Variants in SLC25A21 observed in about 807,000 individuals in gnomAD.
SLC25A21 encodes solute carrier family 25 member 21.
A neutral mutation model predicts 43.8 loss-of-function variants in SLC25A21; 47 were observed. That is an observed-to-expected ratio of 1.07 (90% CI 0.85 to 1.37). The LOEUF (loss-of-function observed/expected upper bound fraction) is 1.37, where lower values mean the gene tolerates loss of function less well. Among genes scored for constraint, SLC25A21 ranks in the 40% most tolerant of loss-of-function variants. SLC25A21 has a pLI of 0.00. For missense variants in SLC25A21, 352 were observed against 350.2 expected, an observed-to-expected ratio of 1.00 and a Z score of -0.04; for synonymous variants, 131 against 121.3, an observed-to-expected ratio of 1.08 and a Z score of -0.52.
intron 2 of SLC25A21, among the ~76,000 whole-genome samples, chr14:36,851,946 C>G (rs1402265937): frequency 1.3e-5 from 2 of 152,116 alleles, no homozygotes; most frequent in Non-Finnish European, 2.9e-5. Flanking sequence ...AACTAATGAA[C>G]ATGGGACTCT....
intron 2 of SLC25A21, among the ~76,000 whole-genome samples, chr14:36,836,167 G>A (rs1351529712): frequency 1.3e-5 from 2 of 152,248 alleles, no homozygotes; most frequent in African/African-American, 2.4e-5. Flanking sequence ...AGTATAAAAC[G>A]GGAGTGCTCT....
chr14:36,825,060 T>A (rs1888776422), intron 2 of SLC25A21, among the ~76,000 whole-genome samples: 1 of 152,128 alleles, frequency 6.6e-6, no homozygotes, highest in African/African-American at 2.4e-5. Context: ...TCTCATGTGA[T>A]CTCTTTTAGC....
intron 1 of SLC25A21, among the ~76,000 whole-genome samples, chr14:36,887,169 TATGA>T (rs1456540887): frequency 5.9e-5 from 9 of 151,718 alleles, no homozygotes; most frequent in Non-Finnish European, 1.2e-4. Context: ...TATAAATATG[TATGA>T]ATATGTGAGA....
At chr14:36,685,032 C>A in intron 7 of SLC25A21, 107 bp from the exon 8 acceptor site, 2 of 763,608 alleles carry the variant, frequency 2.6e-6, no homozygotes, top group Non-Finnish European at 4.0e-6. Context: ...ACTCCCGGCA[C>A]CCTCCTGTTA....
At chr14:36,717,540 A>C (rs1343086370) in intron 6 of SLC25A21, among the ~76,000 whole-genome samples, 5 of 152,226 alleles carry the variant, frequency 3.3e-5, no homozygotes, top group Non-Finnish European at 7.3e-5. Flanking sequence ...GGCACCCTGC[A>C]GGTGATGAGA....
At chr14:37,121,860 G>A (rs534190371) in intron 1 of SLC25A21, among the ~76,000 whole-genome samples, 48 of 152,132 alleles carry the variant, frequency 3.2e-4, no homozygotes, top group African/African-American at 8.4e-4. Context: ...AATTCACGCC[G>A]GAGAAACTCA....
At chr14:37,062,801 G>A (rs1312415912) in intron 1 of SLC25A21, among the ~76,000 whole-genome samples, 1 of 152,196 alleles carries the variant, frequency 6.6e-6, no homozygotes, top group African/African-American at 2.4e-5. Context: ...TGGTGTAATA[G>A]AGAGGCTATC....
chr14:36,916,099 TC>T (rs1435139202), intron 1 of SLC25A21, among the ~76,000 whole-genome samples: 3 of 152,310 alleles, frequency 2.0e-5, no homozygotes, highest in Middle Eastern at 3.4e-3. Flanking sequence ...AATGTGGTTT[TC>T]AGATTAAAAA....
chr14:36,911,031 A>G (rs712389), intron 1 of SLC25A21, among the ~76,000 whole-genome samples: 149,769 of 152,236 alleles, frequency 0.98, 73,730 homozygotes, highest in East Asian at 1. Flanking sequence ...CACAAGCATC[A>G]TCATACCACA....
At chr14:36,971,627 GAGAA>G (rs941375951) in intron 1 of SLC25A21, among the ~76,000 whole-genome samples, 5 of 151,898 alleles carry the variant, frequency 3.3e-5, no homozygotes, top group African/African-American at 9.7e-5. Context: ...TCTCAAAAAG[GAGAA>G]AGAGAGAGAG....
chr14:36,755,780 G>A lies in SLC25A21; in HGVS notation c.204-21207C>T, dbSNP rs1161361848. ...TACTTAATTGATATCTTTCTTACTG[G>A]CCACCAGCTCCACAGCATGTTCCTG... is the stretch of plus-strand genomic sequence containing the variant. On this transcript the variant is annotated intron_variant, in intron 3 of 9. Transcript: ENST00000331299. 3.3e-5 allele frequency among the ~76,000 whole-genome samples: 5 copies of A among 152,078 alleles called. No homozygotes were observed. In the East Asian group the frequency reaches 9.7e-4, roughly 29 times the overall value.
intron 2 of SLC25A21, among the ~76,000 whole-genome samples, chr14:36,844,474 A>G (rs1250613980): frequency 6.6e-6 from 1 of 152,224 alleles, no homozygotes; most frequent in Non-Finnish European, 1.5e-5. Flanking sequence ...GATTATCCAG[A>G]GAAGGTGAGG....
At chr14:37,133,448 A>G (rs1963425337) in intron 1 of SLC25A21, among the ~76,000 whole-genome samples, 1 of 150,038 alleles carries the variant, frequency 6.7e-6, no homozygotes. Flanking sequence ...CTTCAAATAC[A>G]GTCCTCCTTC....
chr14:37,162,484 A>G (rs1328129928), intron 1 of SLC25A21, among the ~76,000 whole-genome samples: 3 of 68,386 alleles, frequency 4.4e-5, no homozygotes, highest in Admixed American at 3.1e-4. Context: ...GGCGAAGGAC[A>G]TGAACAGACA....
intron 1 of SLC25A21, among the ~76,000 whole-genome samples, chr14:37,033,197 C>T (rs1961257207): frequency 1.3e-5 from 2 of 152,142 alleles, no homozygotes; most frequent in Admixed American, 1.3e-4. Context: ...CTTTAGATAC[C>T]TCATAAAAGT....
At chr14:37,021,964 G>C (rs1960996129) in intron 1 of SLC25A21, among the ~76,000 whole-genome samples, 1 of 151,866 alleles carries the variant, frequency 6.6e-6, no homozygotes. Context: ...AAATGGTCTA[G>C]AGCATCTTGA....
At chr14:36,737,189 T>C (rs1243038850) in intron 3 of SLC25A21, among the ~76,000 whole-genome samples, 3 of 152,208 alleles carry the variant, frequency 2.0e-5, no homozygotes, top group Admixed American at 1.3e-4. Flanking sequence ...CCTTAGACTT[T>C]TGCATCAAAT....
intron 1 of SLC25A21, among the ~76,000 whole-genome samples, chr14:36,929,575 C>T (rs1029289438): frequency 3.3e-5 from 5 of 151,930 alleles, no homozygotes; most frequent in African/African-American, 9.7e-5. Flanking sequence ...TGATAGGAAT[C>T]GCATGGTTCG....
intron 1 of SLC25A21, among the ~76,000 whole-genome samples, chr14:36,910,393 GAT>G (rs1202176495): frequency 1.3e-5 from 2 of 152,142 alleles, no homozygotes; most frequent in Non-Finnish European, 2.9e-5. Flanking sequence ...TGGGAGATGA[GAT>G]AGAGTACGGT....
Sources: gnomAD v4.1 joint callset for allele counts (sites outside exome capture counted in the v4.1 genomes callset) on GRCh38, gnomAD v4.1.1 for gene constraint, MANE v1.5 for transcripts, NCBI Gene and HGNC (gene_info 2026-07-23, HGNC 2026-07-21) for gene names.